Variants in MVB12B observed in about 807,000 individuals in gnomAD.
The protein encoded by MVB12B is multivesicular body subunit 12B.
MVB12B carries 16 observed loss-of-function variants against 41.6 expected under a neutral mutation model. The observed-to-expected ratio is 0.38, with a 90% CI of 0.26 to 0.58. The LOEUF (loss-of-function observed/expected upper bound fraction) is 0.58, where lower values mean the gene tolerates loss of function less well. Among genes scored for constraint, MVB12B ranks in the 20% least tolerant of loss-of-function variants. The pLI is 0.62. For missense variants in MVB12B, 274 were observed against 380.2 expected, an observed-to-expected ratio of 0.72 and a Z score of 2.32; for synonymous variants, 133 against 139.7, an observed-to-expected ratio of 0.95 and a Z score of 0.34.
intron 1 of MVB12B, among the ~76,000 whole-genome samples, chr9:126,334,852 G>T (rs1829231144): frequency 6.6e-6 from 1 of 152,222 alleles, no homozygotes; most frequent in South Asian, 2.1e-4. Context: ...GGCCAGGGCT[G>T]TGCTGTAGAA....
In MVB12B at chr9:126,391,814, C is replaced by G. The variant is rs953201229; in HGVS notation, c.410-252C>G. On this transcript the variant is annotated intron_variant, in intron 4 of 9. Transcript: ENST00000361171. The surrounding 1 kb of genome is among the most constrained non-coding windows in gnomAD (Gnocchi z 4.4). Reference sequence around the variant, plus strand: ...AGATTGTGGTTGCGGCTCTTAGAAGCCACCCAGATTTACTGCAGGGTGTGT... The same window carrying G: ...AGATTGTGGTTGCGGCTCTTAGAAGGCACCCAGATTTACTGCAGGGTGTGT... Among the ~76,000 whole-genome samples the G allele has an allele frequency of 6.6e-6, 1 of 152,202 alleles. No individual in the cohort carries two copies. The highest frequency in any genetic ancestry group is 2.4e-5 in the African/African-American group (1 of 41,444).
intron 7 of MVB12B, among the ~76,000 whole-genome samples, chr9:126,458,234 C>T (rs1013170952): frequency 5.9e-5 from 9 of 152,190 alleles, no homozygotes; most frequent in Admixed American, 2.6e-4. Flanking sequence ...AGCGGGTAAA[C>T]GTCTCTGTGC....
intron 7 of MVB12B, among the ~76,000 whole-genome samples, chr9:126,445,327 G>T (rs1297176176): frequency 6.6e-6 from 1 of 152,000 alleles, no homozygotes; most frequent in South Asian, 2.1e-4. Flanking sequence ...TTCTTTTTGA[G>T]ACAGGGACTC....
At chr9:126,344,742 G>C (rs1829543428) in intron 2 of MVB12B, among the ~76,000 whole-genome samples, 1 of 152,242 alleles carries the variant, frequency 6.6e-6, no homozygotes, top group Admixed American at 6.5e-5. Flanking sequence ...ATTTCTTACA[G>C]GTCTGGAGGC....
At chr9:126,453,123 T>C (rs984712893) in intron 7 of MVB12B, among the ~76,000 whole-genome samples, 1 of 152,088 alleles carries the variant, frequency 6.6e-6, no homozygotes, top group African/African-American at 2.4e-5. Context: ...GAAGACTTGC[T>C]GAAAGTGCTT....
chr9:126,411,220 G>A (rs115776175), intron 6 of MVB12B, among the ~76,000 whole-genome samples: 2,192 of 152,274 alleles, frequency 0.014, 55 homozygotes, highest in African/African-American at 0.051. Context: ...TAAAATTGAA[G>A]CATATAACCA....
chr9:126,327,363 G>A (rs1829011180), intron 1 of MVB12B: 1 of 980,224 alleles, frequency 1.0e-6, no homozygotes, highest in Non-Finnish European at 1.2e-6. Flanking sequence ...CACAGACTGG[G>A]AACAGTCAAT....
intron 7 of MVB12B, among the ~76,000 whole-genome samples, chr9:126,457,606 TG>T (rs1340854315): frequency 6.6e-6 from 1 of 152,180 alleles, no homozygotes; most frequent in African/African-American, 2.4e-5. Context: ...CATCGGATGT[TG>T]GAGTCTCAGG....
chr9:126,329,856 CCTT>C (rs1056296375), intron 1 of MVB12B, among the ~76,000 whole-genome samples: 1 of 152,074 alleles, frequency 6.6e-6, no homozygotes, highest in Non-Finnish European at 1.5e-5. Flanking sequence ...TGAATAGACT[CCTT>C]CTCCCCAGGC....
intron 6 of MVB12B, among the ~76,000 whole-genome samples, chr9:126,409,175 A>G (rs1019199872): frequency 3.3e-5 from 5 of 152,190 alleles, no homozygotes; most frequent in African/African-American, 1.2e-4. Flanking sequence ...TGCTGATTGA[A>G]GAGGCCTGGG....
intron 2 of MVB12B, among the ~76,000 whole-genome samples, chr9:126,346,572 AAGGTCTGG>A (rs1477448628): frequency 2.6e-5 from 4 of 152,064 alleles, no homozygotes; most frequent in Non-Finnish European, 5.9e-5. Context: ...CCTGGGGCTG[AAGGTCTGG>A]AGAGAGGTCT....
At chr9:126,439,581 C>T (rs1236000643) in intron 7 of MVB12B, among the ~76,000 whole-genome samples, 1 of 152,188 alleles carries the variant, frequency 6.6e-6, no homozygotes, top group Non-Finnish European at 1.5e-5. Context: ...AGAAATGTGA[C>T]TCAGAGCCTA....
At chr9:126,431,544 A>G (rs1426833839) in intron 7 of MVB12B, among the ~76,000 whole-genome samples, 2 of 152,176 alleles carry the variant, frequency 1.3e-5, no homozygotes, top group East Asian at 3.8e-4. Context: ...AAAAATAAAA[A>G]TATTACTAGG....
rs116232335 is a variant in MVB12B, at chr9:126,440,135, C to T, written c.757+18187C>T. On this transcript the variant is annotated intron_variant, in intron 7 of 9. Transcript: ENST00000361171. The stretch of plus-strand genomic sequence containing the variant: ...TCCTGCAGACACTCGAGGGTCAGCG[C>T]GAGCCCCTTGCTGTATGGAGCCTTG... Among the ~76,000 whole-genome samples, 1,477 of 152,276 alleles carry T rather than the reference C, an allele frequency of 9.7e-3. 17 individuals carry two copies. Among genetic ancestry groups the T allele is most frequent in the African/African-American group, 0.019 (781 of 41,560 alleles).
At chr9:126,437,288 T>A (rs1832507131) in intron 7 of MVB12B, among the ~76,000 whole-genome samples, 2 of 152,208 alleles carry the variant, frequency 1.3e-5, no homozygotes. Flanking sequence ...ATTAACAGAT[T>A]GCATAGACAG....
At chr9:126,483,883 C>A in intron 8 of MVB12B, 90 bp from the exon 9 acceptor site, 4 of 1,339,046 alleles carry the variant, frequency 3.0e-6, no homozygotes, top group Admixed American at 1.7e-5. Context: ...CACACCGTGG[C>A]TTGAGGTGTT....
chr9:126,368,485 A>G (rs1830243397), intron 2 of MVB12B, among the ~76,000 whole-genome samples: 1 of 152,204 alleles, frequency 6.6e-6, no homozygotes, highest in Non-Finnish European at 1.5e-5. Flanking sequence ...CTCCTTGGAT[A>G]CCGTGGTAGA....
chr9:126,370,226 G>A (rs1332351462), intron 2 of MVB12B, among the ~76,000 whole-genome samples: 2 of 152,122 alleles, frequency 1.3e-5, no homozygotes, highest in Non-Finnish European at 2.9e-5. Flanking sequence ...TCTGGATATG[G>A]ACATGTGCCC....
At chr9:126,335,508 C>A in intron 1 of MVB12B, 2 of 765,828 alleles carry the variant, frequency 2.6e-6, no homozygotes, top group Non-Finnish European at 4.0e-6. Flanking sequence ...GACAGGCAGT[C>A]CCTTGCCTGT....
Sources: allele counts gnomAD v4.1 joint callset (sites outside exome capture counted in the v4.1 genomes callset), GRCh38; gene constraint gnomAD v4.1.1; non-coding constraint Gnocchi (gnomAD v3.1); transcripts MANE v1.5; gene names NCBI Gene and HGNC (gene_info 2026-07-23, HGNC 2026-07-21).